The following CARS2 variants were observed in gnomAD, a reference collection of about 807,000 sequenced individuals.
CARS2 encodes the protein cysteinyl-tRNA synthetase 2, mitochondrial, also known as probable cysteine--tRNA ligase, mitochondrial.
Under a neutral mutation model 68.8 loss-of-function variants are expected in CARS2, and 52 were observed. The ratio of observed to expected loss-of-function variants is 0.76; its 90% confidence interval spans 0.61 to 0.95. CARS2 has a LOEUF of 0.95. CARS2 is among the 40% of genes least tolerant of loss of function. The pLI is 0.00. For synonymous variants in CARS2, 314 were observed against 303.6 expected (o/e 1.03, Z -0.36); for missense variants, 780 against 754.2 (o/e 1.03, Z -0.40).
intron 7 of CARS2, among the ~76,000 whole-genome samples, chr13:110,669,151 C>G (rs1370664599): frequency 1.3e-5 from 2 of 152,092 alleles, no homozygotes; most frequent in Non-Finnish European, 2.9e-5. Flanking sequence ...AACCACAGTG[C>G]AAGTGGTGGG....
At chr13:110,646,985 ACCT>A in intron 11 of CARS2, 113 bp downstream of exon 11, 2 of 1,284,108 alleles carry the variant, frequency 1.6e-6, no homozygotes, top group Non-Finnish European at 2.1e-6. Flanking sequence ...CTGACCCCAA[ACCT>A]CCTGTCCAGC....
intron 3 of CARS2, among the ~76,000 whole-genome samples, chr13:110,693,453 A>G (rs1023063938): frequency 1.3e-5 from 2 of 151,932 alleles, no homozygotes; most frequent in East Asian, 1.9e-4. Flanking sequence ...TCTGCCACCC[A>G]GGTTCACGCC....
chr13:110,658,986 G>T (rs756798222), intron 9 of CARS2, among the ~76,000 whole-genome samples: 2 of 151,994 alleles, frequency 1.3e-5, no homozygotes, highest in Non-Finnish European at 2.9e-5. Context: ...AGAAATTACT[G>T]CTAACTTTTT....
intron 3 of CARS2, among the ~76,000 whole-genome samples, chr13:110,691,957 T>C (rs1470824698): frequency 7.6e-6 from 1 of 131,788 alleles, no homozygotes; most frequent in Admixed American, 9.2e-5. Flanking sequence ...CAATCTATTG[T>C]AGGTCAATCC....
intron 9 of CARS2, among the ~76,000 whole-genome samples, chr13:110,662,576 C>T (rs938148833): frequency 3.3e-5 from 5 of 152,204 alleles, no homozygotes; most frequent in Admixed American, 6.5e-5. Context: ...TGAGGCTCCC[C>T]GGTGGGAGAA....
At chr13:110,656,961 C>T (rs2062387742) in intron 9 of CARS2, among the ~76,000 whole-genome samples, 1 of 151,580 alleles carries the variant, frequency 6.6e-6, no homozygotes, top group South Asian at 2.1e-4. Flanking sequence ...CTAAGCAGTA[C>T]CATTTAAATA....
intron 7 of CARS2, among the ~76,000 whole-genome samples, chr13:110,672,424 C>G (rs575831933): frequency 3.9e-5 from 6 of 152,330 alleles, no homozygotes; most frequent in African/African-American, 1.4e-4. Context: ...CTCAAAACCT[C>G]TCAACTACAT....
chr13:110,687,717 C>G lies in CARS2; in HGVS notation c.571+4G>C, dbSNP rs2063342744. ...GAAAAAAAAAAAAAGAACATAAACC[C>G]TACCTTTTGCCGTTGAATAAGCGTT... On this transcript the variant is annotated splice_donor_region_variant and intron_variant, in intron 5 of 14. Transcript: ENST00000257347. 3.3e-6 allele frequency: 5 copies of G among 1,537,108 alleles called. No homozygotes were observed. Among genetic ancestry groups the G allele is most frequent in the Non-Finnish European group, 4.5e-6 (5 of 1,119,590 alleles).
intron 9 of CARS2, among the ~76,000 whole-genome samples, chr13:110,661,049 T>G (rs2062491115): frequency 6.6e-6 from 1 of 152,222 alleles, no homozygotes; most frequent in Non-Finnish European, 1.5e-5. Context: ...CGTGAGCCAC[T>G]GCACCCAGCC....
chr13:110,696,391 T>C (rs2063624303), intron 3 of CARS2, among the ~76,000 whole-genome samples: 1 of 152,226 alleles, frequency 6.6e-6, no homozygotes, highest in Non-Finnish European at 1.5e-5. Flanking sequence ...CCACCAACAG[T>C]GTAAAAGCGT....
upstream of CARS2, among the ~76,000 whole-genome samples, chr13:110,709,263 T>C (rs139114223): frequency 1.6e-3 from 247 of 151,884 alleles, 2 homozygotes; most frequent in African/African-American, 5.6e-3. Context: ...CCCAGCTAAT[T>C]TTGTATTTTT....
At chr13:110,687,004 CCAAA>C (rs1380041946) in intron 5 of CARS2, among the ~76,000 whole-genome samples, 2 of 152,102 alleles carry the variant, frequency 1.3e-5, no homozygotes, top group Non-Finnish European at 2.9e-5. Flanking sequence ...AAAACGATAG[CCAAA>C]CAGACGGGGG....
At chr13:110,649,931 C>CTGTTTTTTTTTTGTTT (rs1249270267) in intron 10 of CARS2, among the ~76,000 whole-genome samples, 3 of 73,188 alleles carry the variant, frequency 4.1e-5, no homozygotes, top group African/African-American at 1.6e-4. Context: ...TGGATAACGA[C>CTGTTTTTTTTTTGTTT]TTTTTTTTTT....
In CARS2 at chr13:110,677,114, C is replaced by T. The variant is rs1389386749; in HGVS notation, c.656-11G>A. On this transcript the variant is annotated splice_polypyrimidine_tract_variant and intron_variant, in intron 6 of 14. Coordinates refer to ENST00000257347, the MANE Select transcript of CARS2 (RefSeq NM_024537.4). ...GCTTGTCAGAGTCCGCTGCAGATGA[C>T]AAACGGTACATCAGTGGGAAGAAGC... The T allele has an allele frequency of 2.5e-6, 4 of 1,599,654 alleles. No individual in the cohort carries two copies. The highest frequency in any genetic ancestry group is 1.3e-5 in the African/African-American group (1 of 74,614).
At chr13:110,679,700 G>GAAGA (rs2063101143) in intron 6 of CARS2, among the ~76,000 whole-genome samples, 1 of 146,890 alleles carries the variant, frequency 6.8e-6, no homozygotes, top group Non-Finnish European at 1.5e-5. Flanking sequence ...GAAGAAAAGG[G>GAAGA]AAGAAAGAAA....
At chr13:110,657,871 T>C (rs1402318129) in intron 9 of CARS2, among the ~76,000 whole-genome samples, 2 of 152,204 alleles carry the variant, frequency 1.3e-5, no homozygotes, top group Non-Finnish European at 2.9e-5. Context: ...CCATCATGAA[T>C]CGTAGGACAA....
chr13:110,662,684 C>A (rs527604025), intron 9 of CARS2, among the ~76,000 whole-genome samples: 1 of 152,260 alleles, frequency 6.6e-6, no homozygotes, highest in African/African-American at 2.4e-5. Context: ...TTTCTTTCAA[C>A]TTTTCTATCG....
At chr13:110,711,525 T>A (rs1297015886) in intron 1 of CARS2, among the ~76,000 whole-genome samples, 1 of 152,238 alleles carries the variant, frequency 6.6e-6, no homozygotes, top group South Asian at 2.1e-4. Flanking sequence ...AGTGTTATAG[T>A]CTTTTGTGCA....
intron 5 of CARS2, among the ~76,000 whole-genome samples, chr13:110,685,537 C>T (rs2063276722): frequency 6.6e-6 from 1 of 152,160 alleles, no homozygotes; most frequent in Non-Finnish European, 1.5e-5. Context: ...CAGCCGTCGG[C>T]TGGATACTTT....
Sources: gnomAD v4.1 joint callset for allele counts (sites outside exome capture counted in the v4.1 genomes callset) on GRCh38, gnomAD v4.1.1 for gene constraint, MANE v1.5 for transcripts, NCBI Gene and HGNC (gene_info 2026-07-23, HGNC 2026-07-21) for gene names.